NTN1: variants seen among roughly 807,000 people sequenced by gnomAD.
NTN1 encodes netrin 1, also known as netrin-1.
Under a neutral mutation model 54.2 loss-of-function variants are expected in NTN1, and 11 were observed. That is an observed-to-expected ratio of 0.20 (90% confidence interval 0.13 to 0.34). The LOEUF is 0.34. Among genes scored for constraint, NTN1 ranks in the 10% least tolerant of loss-of-function variants. The pLI is 1.00. For synonymous variants in NTN1, 371 were observed against 382.0 expected (o/e 0.97, Z 0.33); for missense variants, 740 against 893.1 (o/e 0.83, Z 2.18).
At chr17:9,194,520 C>G (rs1904570539) in intron 5 of NTN1, among the ~76,000 whole-genome samples, 1 of 152,214 alleles carries the variant, frequency 6.6e-6, no homozygotes, top group Non-Finnish European at 1.5e-5. Context: ...GATTCTCAGT[C>G]TCAGCACTGT....
In NTN1 at chr17:9,193,938, A is replaced by AAAAAC. The variant is rs1555575008; in HGVS notation, c.1411+10973_1411+10974insCAAAA. ...CTCCGACTAAAAAAAAAAAAAAAAAAAAAAAACATTATGCAGGTTGGGCGC... is the reference window on the plus strand; with the variant it reads ...CTCCGACTAAAAAAAAAAAAAAAAAAAAAACAAAAAACATTATGCAGGTTGGGCGC... On this transcript the variant is annotated intron_variant, in intron 5 of 6. Transcript: ENST00000173229. Among the ~76,000 whole-genome samples, 87 of 108,404 alleles carry AAAAAC rather than the reference A, an allele frequency of 8.0e-4. 1 individual carries two copies. Among genetic ancestry groups the AAAAAC allele is most frequent in the African/African-American group, 2.2e-3 (69 of 31,142 alleles). The allele number at this position is 108,404 out of a possible 152,430, so 71.1% of individuals were successfully genotyped here.
intron 3 of NTN1, among the ~76,000 whole-genome samples, chr17:9,166,097 C>T (rs988373110): frequency 9.2e-5 from 14 of 151,642 alleles, no homozygotes; most frequent in South Asian, 2.1e-4. Context: ...CAGATGCTGG[C>T]GGGATGTGTA....
intron 3 of NTN1, 60 bp from the exon 4 acceptor site, chr17:9,179,747 T>C (rs2092412612): frequency 6.4e-7 from 1 of 1,569,654 alleles, no homozygotes; most frequent in Non-Finnish European, 8.6e-7. Context: ...GGGAAGGCTC[T>C]GCGGGGATGC....
At chr17:9,009,914 A>C in the NTN1 span, among the ~76,000 whole-genome samples, 1,283 of 152,098 alleles carry the variant, frequency 8.4e-3, 22 homozygotes, top group African/African-American at 0.029. Context: ...AATTTGCTCA[A>C]CCTCCCTGAC....
chr17:9,161,727 G>A (rs965448687), intron 2 of NTN1, among the ~76,000 whole-genome samples: 2 of 152,090 alleles, frequency 1.3e-5, no homozygotes, highest in South Asian at 2.1e-4. Context: ...GCAGTGAGCC[G>A]AGATCAGGCC....
chr17:9,031,849 C>A (rs1293368643), intron 2 of NTN1, among the ~76,000 whole-genome samples: 1 of 152,086 alleles, frequency 6.6e-6, no homozygotes, highest in Non-Finnish European at 1.5e-5. Flanking sequence ...GTAATCCTAA[C>A]TACTCAGAGG....
rs1052902344 is a variant in NTN1, at chr17:9,202,116, C to T, written c.1412-19052C>T. 7.6e-5 allele frequency among the ~76,000 whole-genome samples: 11 copies of T among 144,690 alleles called. No individual in the cohort carries two copies. The Admixed American group carries it at 7.7e-4, about 10-fold the overall frequency. The allele number at this position is 144,690 out of a possible 152,430, so 94.9% of individuals were successfully genotyped here. ...CTTAGCCAGGTATGGTGGTACGCAC[C>T]TGTAGTCCCAGCTACTCAGGAGGCT... On this transcript the variant is annotated intron_variant, in intron 5 of 6. Transcript: ENST00000173229.
At chr17:9,005,166 A>G in the NTN1 span, among the ~76,000 whole-genome samples, 1 of 152,110 alleles carries the variant, frequency 6.6e-6, no homozygotes, top group South Asian at 2.1e-4. Context: ...AGCGACTCCC[A>G]GATTTTCTCT....
chr17:9,088,501 G>A (rs2092097048), intron 2 of NTN1, among the ~76,000 whole-genome samples: 1 of 152,018 alleles, frequency 6.6e-6, no homozygotes, highest in Non-Finnish European at 1.5e-5. Context: ...TATGTTCTCT[G>A]GAGCTCCTAG....
the NTN1 span, among the ~76,000 whole-genome samples, chr17:9,013,735 C>T: frequency 7.8e-4 from 118 of 152,246 alleles, no homozygotes; most frequent in Middle Eastern, 3.4e-3. Context: ...TCTGTGTAAC[C>T]GGTAAACAAG....
At chr17:9,163,475 GAAACACACACACACACACACACACAC>G (rs1567725768) in intron 3 of NTN1, among the ~76,000 whole-genome samples, 1 of 72,028 alleles carries the variant, frequency 1.4e-5, no homozygotes, top group Non-Finnish European at 2.7e-5. Flanking sequence ...ACTCCCCCCC[GAAACACACACACACACACACACACAC>G]ACACACACAC....
intron 2 of NTN1, among the ~76,000 whole-genome samples, chr17:9,123,780 G>A (rs1368655575): frequency 6.6e-6 from 1 of 151,874 alleles, no homozygotes; most frequent in Admixed American, 6.6e-5. Flanking sequence ...GTTTGATTAA[G>A]TTTTCTCTTG....
rs891853307 is a variant in NTN1, at chr17:9,033,379, GTTGT to G, written c.1018+10007_1018+10010del. ...TATTGTTTGAACCAGGGGTAGAGAG[GTTGT>G]TTGTTTGTTTGTTTGTTTTAATAGA... On this transcript the variant is annotated intron_variant, in intron 2 of 6. Transcript: ENST00000173229. 1.5e-3 allele frequency among the ~76,000 whole-genome samples: 223 copies of G among 152,278 alleles called. 1 individual carries two copies. Among genetic ancestry groups the G allele is most frequent in the African/African-American group, 4.3e-3 (178 of 41,560 alleles).
At chr17:9,053,158 G>A (rs138882558) in intron 2 of NTN1, among the ~76,000 whole-genome samples, 1,530 of 152,316 alleles carry the variant, frequency 0.01, 27 homozygotes, top group African/African-American at 0.032. Context: ...TGTATTGTCT[G>A]TGGCCGCTTT....
chr17:9,082,999 A>G (rs919185201), intron 2 of NTN1, among the ~76,000 whole-genome samples: 46 of 152,104 alleles, frequency 3.0e-4, no homozygotes, highest in Non-Finnish European at 6.5e-4. Context: ...GTGTCTAGAG[A>G]CAGGAGGTTG....
chr17:9,163,477 AACAC>A (rs55765967), intron 3 of NTN1, among the ~76,000 whole-genome samples: 5,053 of 142,210 alleles, frequency 0.036, 98 homozygotes, highest in African/African-American at 0.052. Flanking sequence ...TCCCCCCCGA[AACAC>A]ACACACACAC....
At chr17:9,085,591 C>T (rs904146007) in intron 2 of NTN1, among the ~76,000 whole-genome samples, 4 of 152,214 alleles carry the variant, frequency 2.6e-5, no homozygotes, top group Non-Finnish European at 5.9e-5. Context: ...TACAGATCAA[C>T]GTCCACAGGA....
chr17:9,104,183 T>TTTC (rs2092158852), intron 2 of NTN1, among the ~76,000 whole-genome samples: 2 of 147,602 alleles, frequency 1.4e-5, no homozygotes, highest in East Asian at 4.0e-4. Context: ...GAAAGCAGAA[T>TTTC]GGTGGTTGCC....
rs1389955803 is a variant in NTN1 at position 9,239,047 on chromosome 17, AG to A, written c.1487-590del. On this transcript the variant is annotated intron_variant, in intron 6 of 6. Coordinates refer to ENST00000173229, the MANE Select transcript of NTN1 (RefSeq NM_004822.3). The surrounding 1 kb of genome is among the most constrained non-coding windows in gnomAD (Gnocchi z 5.2). ...CATGGAGGAAGGGAGGCCACCTGGT[AG>A]GGATGGCTTAGGCGTGGGAAGCGGC... Among the ~76,000 whole-genome samples the A allele has an allele frequency of 6.6e-6, 1 of 152,226 alleles. No homozygotes were observed. The highest frequency in any genetic ancestry group is 1.5e-5 in the Non-Finnish European group (1 of 68,026).
Sources: gnomAD v4.1 joint callset for allele counts (sites outside exome capture counted in the v4.1 genomes callset) on GRCh38, gnomAD v4.1.1 for gene constraint, Gnocchi (gnomAD v3.1) non-coding constraint, MANE v1.5 for transcripts, NCBI Gene and HGNC (gene_info 2026-07-23, HGNC 2026-07-21) for gene names.